The following USH2A variants were observed in gnomAD, a reference collection of about 807,000 sequenced individuals.
USH2A encodes Usher syndrome 2A (autosomal recessive, mild).
A neutral mutation model predicts 538.9 loss-of-function variants in USH2A; 443 were observed. The ratio of observed to expected loss-of-function variants is 0.82; its 90% CI spans 0.76 to 0.89. The LOEUF (loss-of-function observed/expected upper bound fraction) is 0.89. Ranked by LOEUF, USH2A falls within the 40% of genes least tolerant of loss-of-function variation. USH2A has a pLI of 0.00. For synonymous variants in USH2A, 2,413 were observed against 2,273.5 expected, an observed-to-expected ratio of 1.06 and a Z score of -1.75; for missense variants, 6,633 against 6,324.8, an observed-to-expected ratio of 1.05 and a Z score of -1.65.
At chr1:215,934,218 C>T (rs1449830863) in intron 38 of USH2A, among the ~76,000 whole-genome samples, 2 of 151,824 alleles carry the variant, frequency 1.3e-5, no homozygotes, top group Non-Finnish European at 2.9e-5. Flanking sequence ...ATTTAGAACA[C>T]CAGGAATGAG....
At chr1:216,037,708 G>T (rs1201025200) in intron 32 of USH2A, among the ~76,000 whole-genome samples, 1 of 151,848 alleles carries the variant, frequency 6.6e-6, no homozygotes, top group African/African-American at 2.4e-5. Flanking sequence ...TTTAAGTTTA[G>T]GGGTACAAGG....
chr1:215,675,096 GA>G lies in USH2A; in HGVS notation c.12814del (p.Ser4272ProfsTer5). 1 of 1,614,072 alleles carries G rather than the reference GA, an allele frequency of 6.2e-7. No homozygotes were observed. Among genetic ancestry groups the G allele is most frequent in the Non-Finnish European group, 8.5e-7 (1 of 1,180,000 alleles). ...PPEGLSPPVI[S>X]YVSMNPQKLL... Reference sequence around the variant, plus strand: ...TTTTTGGGGATTCATAGAAACATAGGATATCACAGGTGGAGAGAGACCTTCT... The same window carrying G: ...TTTTTGGGGATTCATAGAAACATAGGTATCACAGGTGGAGAGAGACCTTCT... On this transcript the variant is annotated frameshift_variant, in exon 63 of 72. Transcript: ENST00000307340. LOFTEE classifies it high-confidence loss of function.
At chr1:215,636,186 T>G (rs1656478143) in intron 69 of USH2A, among the ~76,000 whole-genome samples, 1 of 152,180 alleles carries the variant, frequency 6.6e-6, no homozygotes, top group African/African-American at 2.4e-5. Flanking sequence ...CTCCCCCTTT[T>G]CAACACCTCT....
At position 216,017,259 on chromosome 1, in the gene USH2A, G is replaced by T. The variant is rs189206756; in HGVS notation, c.6326-16697C>A. Among the ~76,000 whole-genome samples, 606 of 151,680 alleles carry T rather than the reference G, an allele frequency of 4.0e-3. 4 individuals are homozygous for T. Among genetic ancestry groups the T allele is most frequent in the African/African-American group, 0.014 (578 of 41,332 alleles). ...TACACACACATACAAAAACACACAC[G>T]CACACACACAAACATCCTACTGACT... On this transcript the variant is annotated intron_variant, in intron 32 of 71. Transcript: ENST00000307340.
chr1:216,334,590 C>T (rs1388136126), intron 4 of USH2A, among the ~76,000 whole-genome samples: 1 of 151,760 alleles, frequency 6.6e-6, no homozygotes, highest in Non-Finnish European at 1.5e-5. Flanking sequence ...GAGACAAACT[C>T]TACATTCGAG....
rs74141581 is a variant in USH2A at position 216,397,870 on chromosome 1, T to A, written c.651+20644A>T. ...AGCCTGTCGTGGGACATTGCCTTTA[T>A]AATGATGTGAGCAAATTCTCCCTAA... On this transcript the variant is annotated intron_variant, in intron 3 of 71. Coordinates refer to ENST00000307340, the MANE Select transcript of USH2A (RefSeq NM_206933.4). 3.6e-3 allele frequency among the ~76,000 whole-genome samples: 548 copies of A among 152,340 alleles called. 8 individuals carry two copies. Among genetic ancestry groups the A allele is most frequent in the African/African-American group, 0.012 (494 of 41,580 alleles).
chr1:215,634,277 C>A (rs980370702), intron 70 of USH2A, among the ~76,000 whole-genome samples, 182 bp downstream of exon 70: 5 of 152,164 alleles, frequency 3.3e-5, no homozygotes, highest in African/African-American at 1.2e-4. Flanking sequence ...CCAGGTGATT[C>A]TAATGTGCAG....
intron 58 of USH2A, among the ~76,000 whole-genome samples, chr1:215,747,782 G>A (rs1397905891): frequency 6.6e-6 from 1 of 151,934 alleles, no homozygotes; most frequent in African/African-American, 2.4e-5. Context: ...TCACATTTTG[G>A]GCATTTCTCC....
chr1:215,868,606 T>C (rs532314929), intron 43 of USH2A, among the ~76,000 whole-genome samples: 65 of 152,298 alleles, frequency 4.3e-4, no homozygotes, highest in African/African-American at 9.6e-4. Flanking sequence ...CCCTGGTCCC[T>C]GTGAACACGA....
intron 63 of USH2A, among the ~76,000 whole-genome samples, chr1:215,671,536 A>G (rs906071806): frequency 6.6e-6 from 1 of 152,152 alleles, no homozygotes; most frequent in Non-Finnish European, 1.5e-5. Flanking sequence ...TCAAAAAAAA[A>G]TTATATTTCC....
At chr1:216,143,389 G>C (rs2033637030) in intron 21 of USH2A, among the ~76,000 whole-genome samples, 1 of 152,018 alleles carries the variant, frequency 6.6e-6, no homozygotes, top group Non-Finnish European at 1.5e-5. Flanking sequence ...TTTAGTCACA[G>C]TACTTAGGGC....
rs188634666 is a variant in USH2A at position 216,134,790 on chromosome 1, T to G, written c.4628-37577A>C. ...ATATGTCCAGAAACCATTGCTTGAT[T>G]GTATTAAAATTAAATAGACACTGTG... On this transcript the variant is annotated intron_variant, in intron 21 of 71. Transcript: ENST00000307340. Among the ~76,000 whole-genome samples the G allele has an allele frequency of 8.4e-4, 128 of 152,266 alleles. 2 individuals are homozygous for G. The highest frequency in any genetic ancestry group is 6.9e-3 in the Admixed American group (106 of 15,270).
chr1:215,651,019 C>A (rs1033407533), intron 64 of USH2A, among the ~76,000 whole-genome samples: 1 of 152,024 alleles, frequency 6.6e-6, no homozygotes, highest in Non-Finnish European at 1.5e-5. Context: ...TTGCCTTTGA[C>A]CATGTGAACA....
At chr1:216,158,029 A>G (rs1379660846) in intron 21 of USH2A, among the ~76,000 whole-genome samples, 2 of 152,220 alleles carry the variant, frequency 1.3e-5, no homozygotes, top group Non-Finnish European at 1.5e-5. Flanking sequence ...ACTCACTAAC[A>G]GGTTATAAGA....
chr1:216,092,920 A>C (rs184547906), intron 22 of USH2A, among the ~76,000 whole-genome samples: 1 of 152,216 alleles, frequency 6.6e-6, no homozygotes, highest in East Asian at 1.9e-4. Flanking sequence ...TACTTACTAG[A>C]CATCATTAAA....
chr1:216,320,515 AT>A (rs2037585331), intron 9 of USH2A, among the ~76,000 whole-genome samples: 1 of 152,182 alleles, frequency 6.6e-6, no homozygotes, highest in Non-Finnish European at 1.5e-5. Context: ...TGAAAATTTA[AT>A]TTTAGTAGAG....
In USH2A at chr1:216,099,496, G is replaced by A. The variant is rs528345228; in HGVS notation, c.4628-2283C>T. On this transcript the variant is annotated intron_variant, in intron 21 of 71. Transcript: ENST00000307340. Reference sequence around the variant, plus strand: ...AATGGAAGAAATTAAAATTTGAGTGGAGAGCAGGAATAGGATTTTCAAAAT... The same window carrying A: ...AATGGAAGAAATTAAAATTTGAGTGAAGAGCAGGAATAGGATTTTCAAAAT... Among the ~76,000 whole-genome samples, 6 of 152,196 alleles carry A rather than the reference G, an allele frequency of 3.9e-5. No individual in the cohort carries two copies. In the East Asian group the frequency reaches 1.2e-3, roughly 29 times the overall value.
chr1:215,638,091 A>G (rs1452435282), intron 69 of USH2A, among the ~76,000 whole-genome samples: 1 of 152,196 alleles, frequency 6.6e-6, no homozygotes, highest in East Asian at 1.9e-4. Context: ...AATAAAAGAC[A>G]CTTTCCAAAT....
chr1:216,078,689 T>C (rs931958085), intron 26 of USH2A, among the ~76,000 whole-genome samples: 6 of 152,146 alleles, frequency 3.9e-5, no homozygotes, highest in African/African-American at 1.4e-4. Flanking sequence ...AGTGACTGAA[T>C]GACTGAAGAG....
Sources: allele counts gnomAD v4.1 joint callset (sites outside exome capture counted in the v4.1 genomes callset), GRCh38; gene constraint gnomAD v4.1.1; transcripts MANE v1.5; gene names NCBI Gene and HGNC (gene_info 2026-07-23, HGNC 2026-07-21).